The following MTTP variants were observed in gnomAD, a reference collection of about 807,000 sequenced individuals.
MTTP encodes microsomal triglyceride transfer protein.
In MTTP, 49 loss-of-function variants were observed where a neutral mutation model predicts 90.6. The ratio of observed to expected loss-of-function variants is 0.54; its 90% confidence interval spans 0.43 to 0.69. MTTP has a LOEUF of 0.69. Among genes scored for constraint, MTTP ranks in the 30% least tolerant of loss-of-function variants. The probability of loss-of-function intolerance (pLI) is 0.00; values close to 1 mark genes in which losing one functional copy is unlikely to be tolerated. For synonymous variants in MTTP, 347 were observed against 384.2 expected (o/e 0.90, Z 1.13); for missense variants, 945 against 1,067.5 (o/e 0.89, Z 1.60).
rs777089222 is a variant in MTTP, at chr4:99,597,243, G to A, written c.1067+19G>A. The A allele has an allele frequency of 3.7e-6, 6 of 1,610,700 alleles. No individual in the cohort carries two copies. The African/African-American group carries it at 8.0e-5, about 22-fold the overall frequency. Reference sequence around the variant, plus strand: ...AAGTATTGTAAGTTCCCCAACCTTTGTGTGGGGTTGTCTGTCAGAAACATT... The same window carrying A: ...AAGTATTGTAAGTTCCCCAACCTTTATGTGGGGTTGTCTGTCAGAAACATT... On this transcript the variant is annotated intron_variant, in intron 8 of 17. Coordinates refer to ENST00000265517, the MANE Select transcript of MTTP (RefSeq NM_001386140.1).
At chr4:99,581,548 TCAAC>T (rs1241397775) in intron 1 of MTTP, among the ~76,000 whole-genome samples, 3 of 152,168 alleles carry the variant, frequency 2.0e-5, no homozygotes, top group Non-Finnish European at 2.9e-5. Context: ...ATTAAATTTA[TCAAC>T]CAATTCCTGG....
In MTTP at chr4:99,594,822, A is replaced by C; in HGVS notation, c.848A>C (p.Lys283Thr). 9.3e-6 allele frequency: 15 copies of C among 1,614,102 alleles called. No homozygotes were observed. The highest frequency in any genetic ancestry group is 1.3e-5 in the Non-Finnish European group (15 of 1,179,948). Residue 283 changes from lysine to threonine, a missense_variant, in exon 7 of 18, where the codon AAG becomes ACG. Transcript: ENST00000265517. ...GCCATAATCAAAGCAGTTGATTCAA[A>C]GTACACGGCCATTCCCATTGTGGGG... is the stretch of plus-strand genomic sequence containing the variant. The part of the protein sequence containing the change: ...AAAIIKAVDS[K>T]YTAIPIVGQV...
rs745447480 is a variant in MTTP, at chr4:99,608,899, T to C, written c.1691T>C (p.Ile564Thr). 1.5e-5 allele frequency: 24 copies of C among 1,614,062 alleles called. 1 individual carries two copies. Among genetic ancestry groups the C allele is most frequent in the African/African-American group, 2.7e-5 (2 of 74,926 alleles). The change falls in exon 12 of 18, where the codon ATT becomes ACT. Residue 564 changes from isoleucine (I) to threonine (T), a missense_variant. By Grantham distance (89) the Ile-to-Thr change is moderately conservative. Coordinates refer to ENST00000265517, the MANE Select transcript of MTTP (RefSeq NM_001386140.1). ...YMDVKNILLS[I>T]GELPQEMNKY... is the part of the protein sequence containing the mutation. ...GACGTCAAGAACATCCTGCTGTCTA[T>C]TGGGGAGCTTCCCCAAGAAATGAAT... is the stretch of plus-strand genomic sequence containing the variant.
At chr4:99,620,479 A>T (rs1352777) in intron 16 of MTTP, among the ~76,000 whole-genome samples, 22,324 of 152,060 alleles carry the variant, frequency 0.15, 2,039 homozygotes, top group East Asian at 0.44. Flanking sequence ...GACCCACCAT[A>T]TTTTTCCTCC....
At position 99,594,122 on chromosome 4, in the gene MTTP, C is replaced by T. The variant is rs562312855; in HGVS notation, c.759-611C>T. ...TCATGTCAGACTTCTTATGTAGTAGCTCAAGGCTCCGAAGCACATGTACTG... is the reference window on the plus strand; with the variant it reads ...TCATGTCAGACTTCTTATGTAGTAGTTCAAGGCTCCGAAGCACATGTACTG... On this transcript the variant is annotated intron_variant, in intron 6 of 17. Transcript: ENST00000265517. Among the ~76,000 whole-genome samples, 18 of 152,298 alleles carry T rather than the reference C, an allele frequency of 1.2e-4. 2 individuals are homozygous for T. In the South Asian group the frequency reaches 3.7e-3, roughly 32 times the overall value.
At chr4:99,618,363 A>C (rs756495024) in intron 15 of MTTP, among the ~76,000 whole-genome samples, 2 of 152,196 alleles carry the variant, frequency 1.3e-5, no homozygotes, top group Non-Finnish European at 2.9e-5. Context: ...AGCAGGATGC[A>C]GTTGACTGTA....
chr4:99,591,879 T>A, intron 6 of MTTP, 89 bp downstream of exon 6: 1 of 1,214,168 alleles, frequency 8.2e-7, no homozygotes, highest in Non-Finnish European at 1.2e-6. Flanking sequence ...TTTGTGTGTG[T>A]GTGTGTGTGC....
chr4:99,611,220 C>G lies in MTTP; in HGVS notation c.1847C>G (p.Ala616Gly), dbSNP rs1725944516. The G allele has an allele frequency of 6.2e-7, 1 of 1,613,980 alleles. No individual in the cohort carries two copies. ...DRFSRSGSSS[A>G]YTGYIERSPR... ...TTCTCCAGGAGTGGATCTTCTTCTG[C>G]CTACACTGGCTACATAGAACGTATG... Residue 616 changes from alanine (A) to glycine (G), a missense_variant, in exon 13 of 18, where the codon GCC becomes GGC. Physicochemically the swap from Ala to Gly is moderately conservative, Grantham distance 60. Coordinates refer to ENST00000265517, the MANE Select transcript of MTTP (RefSeq NM_001386140.1).
upstream of MTTP, chr4:99,570,595 G>A (rs1578227673): frequency 1.9e-5 from 8 of 423,902 alleles, no homozygotes; most frequent in South Asian, 1.4e-4. Context: ...GATCTTAAAT[G>A]TCTTAATCTC....
At position 99,613,184 on chromosome 4, in the gene MTTP, C is replaced by T. The variant is rs371074261; in HGVS notation, c.2217+44C>T. 79 of 1,507,682 alleles carry T rather than the reference C, an allele frequency of 5.2e-5. No individual in the cohort carries two copies. The Middle Eastern group carries it at 1.4e-3, about 26-fold the overall frequency. The allele number at this position is 1,507,682 out of a possible 1,614,324, so 93.4% of individuals were successfully genotyped here. On this transcript the variant is annotated intron_variant, in intron 15 of 17. Coordinates refer to ENST00000265517, the MANE Select transcript of MTTP (RefSeq NM_001386140.1). Reference sequence around the variant, plus strand: ...GAGTATTTATTGAGTCCCTAAAATACGCCAGGCACGTTTTAAATATGCTTA... The same window carrying T: ...GAGTATTTATTGAGTCCCTAAAATATGCCAGGCACGTTTTAAATATGCTTA...
chr4:99,583,828 G>A (rs1057613), intron 3 of MTTP: 274,485 of 506,028 alleles, frequency 0.54, 81,833 homozygotes, highest in African/African-American at 0.9. Context: ...GATTACAAAC[G>A]TAATGTAACA....
chr4:99,616,250 TG>T (rs1258600843), intron 15 of MTTP, among the ~76,000 whole-genome samples: 1 of 152,022 alleles, frequency 6.6e-6, no homozygotes, highest in East Asian at 1.9e-4. Context: ...AAAAATTAGC[TG>T]GGCATAGTGG....
chr4:99,621,401 A>G (rs1429457660), intron 17 of MTTP, among the ~76,000 whole-genome samples, 170 bp downstream of exon 17: 1 of 150,688 alleles, frequency 6.6e-6, no homozygotes, highest in Non-Finnish European at 1.5e-5. Flanking sequence ...AAAAAAAGTC[A>G]GTTTCTGGGA....
intron 3 of MTTP, among the ~76,000 whole-genome samples, chr4:99,586,252 G>A (rs879698048): frequency 6.6e-6 from 1 of 152,056 alleles, no homozygotes; most frequent in African/African-American, 2.4e-5. Context: ...CATAACTCTA[G>A]TTTTGTCTAC....
At chr4:99,597,324 C>G (rs773998871) in intron 8 of MTTP, 100 bp downstream of exon 8, 62 of 1,302,568 alleles carry the variant, frequency 4.8e-5, no homozygotes, top group Non-Finnish European at 6.4e-5. Context: ...AACTGCCCCA[C>G]CACCAAAACA....
At chr4:99,605,857 C>G (rs1253289267) in intron 10 of MTTP, among the ~76,000 whole-genome samples, 2 of 108,156 alleles carry the variant, frequency 1.8e-5, no homozygotes, top group Admixed American at 1.7e-4. Context: ...TCCATTCTCC[C>G]CAACCCCATG....
At position 99,582,059 on chromosome 4, in the gene MTTP, T is replaced by C. The variant is rs146493676; in HGVS notation, c.216T>C (p.Pro72=). The C allele has an allele frequency of 6.2e-7, 1 of 1,614,170 alleles. No homozygotes were observed. The change falls in exon 2 of 18, where the codon CCT becomes CCC. Residue 72 remains proline, a synonymous_variant. Transcript: ENST00000265517. ...NVDVALLWRN[P]DGDDDQLIQI... is the part of the protein sequence containing the mutation. Reference sequence around the variant, plus strand: ...ATGTGGCCTTACTATGGAGGAATCCTGATGGTGATGATGACCAGTTGATCC... The same window carrying C: ...ATGTGGCCTTACTATGGAGGAATCCCGATGGTGATGATGACCAGTTGATCC...
intron 2 of MTTP, 44 bp from the exon 3 acceptor site, chr4:99,583,328 CAG>C: frequency 6.3e-7 from 1 of 1,595,136 alleles, no homozygotes; most frequent in African/African-American, 1.3e-5. Flanking sequence ...CTGATGAAGA[CAG>C]ATATAGGAAG....
intron 12 of MTTP, 146 bp downstream of exon 12, chr4:99,609,123 C>T: frequency 1.3e-6 from 1 of 782,868 alleles, no homozygotes; most frequent in Non-Finnish European, 2.1e-6. Flanking sequence ...CATAATAGGG[C>T]TATTTAGGGG....
Sources: gnomAD v4.1 joint callset for allele counts (sites outside exome capture counted in the v4.1 genomes callset) on GRCh38, gnomAD v4.1.1 for gene constraint, MANE v1.5 for transcripts, NCBI Gene and HGNC (gene_info 2026-07-23, HGNC 2026-07-21) for gene names.